Variants in MINDY3 observed in about 807,000 individuals in gnomAD.
MINDY3 encodes ubiquitin carboxyl-terminal hydrolase MINDY-3.
Under a neutral mutation model 69.2 loss-of-function variants are expected in MINDY3, and 38 were observed. The ratio of observed to expected loss-of-function variants is 0.55; its 90% CI spans 0.42 to 0.72. The LOEUF (loss-of-function observed/expected upper bound fraction) is 0.72, where lower values mean the gene tolerates loss of function less well. Ranked by LOEUF, MINDY3 falls within the 30% of genes least tolerant of loss-of-function variation. The pLI, the probability that MINDY3 is intolerant of heterozygous loss-of-function variation, is 0.00. For synonymous variants in MINDY3, 192 were observed against 180.1 expected (o/e 1.07, Z -0.53); for missense variants, 522 against 519.0 (o/e 1.01, Z -0.06).
chr10:15,814,066 C>T (rs1022141159), intron 10 of MINDY3, among the ~76,000 whole-genome samples: 3 of 151,546 alleles, frequency 2.0e-5, no homozygotes, highest in African/African-American at 7.3e-5. Context: ...AAGGAATGGC[C>T]GAATAATGAT....
chr10:15,808,031 G>A (rs1588556851), intron 10 of MINDY3, among the ~76,000 whole-genome samples: 1 of 152,178 alleles, frequency 6.6e-6, no homozygotes, highest in Non-Finnish European at 1.5e-5. Flanking sequence ...ATTGTGCTAA[G>A]CAGGTAGGAA....
chr10:15,834,475 T>G, intron 7 of MINDY3, 68 bp downstream of exon 7: 5 of 1,108,082 alleles, frequency 4.5e-6, no homozygotes, highest in Non-Finnish European at 6.8e-6. Context: ...CTCAGTCATG[T>G]TTTATCTGAA....
intron 8 of MINDY3, among the ~76,000 whole-genome samples, chr10:15,822,900 T>C (rs1369260767): frequency 1.3e-5 from 2 of 152,180 alleles, no homozygotes; most frequent in Non-Finnish European, 1.5e-5. Context: ...AATATAATAA[T>C]ATATTTGGGT....
rs185779128 is a variant in MINDY3 at position 15,782,276 on chromosome 10, C to T, written c.1117-50G>A. 2.3e-3 allele frequency: 2,880 copies of T among 1,246,068 alleles called. 7 individuals are homozygous for T. The highest frequency in any genetic ancestry group is 2.7e-3 in the Non-Finnish European group (2,339 of 878,276). The allele number at this position is 1,246,068 out of a possible 1,614,324, so 77.2% of individuals were successfully genotyped here. On this transcript the variant is annotated intron_variant, in intron 13 of 14. Coordinates refer to ENST00000277632, the MANE Select transcript of MINDY3 (RefSeq NM_024948.4). ...CACTTTAAATTATATTTATATCAGG[C>T]AATTTCTAATCAACTGAAAGTAAAA... is the stretch of plus-strand genomic sequence containing the variant.
At chr10:15,806,661 G>C (rs1441858154) in intron 10 of MINDY3, among the ~76,000 whole-genome samples, 1 of 152,084 alleles carries the variant, frequency 6.6e-6, no homozygotes, top group African/African-American at 2.4e-5. Flanking sequence ...CATATAGTAA[G>C]GACAATTTGT....
chr10:15,789,152 A>G (rs1487380901), intron 12 of MINDY3, 95 bp downstream of exon 12: 2 of 801,164 alleles, frequency 2.5e-6, no homozygotes, highest in East Asian at 5.2e-5. Flanking sequence ...ATATATGCAG[A>G]TATAGATTTT....
intron 2 of MINDY3, among the ~76,000 whole-genome samples, chr10:15,844,514 TAATC>T (rs1687162194): frequency 6.6e-6 from 1 of 152,218 alleles, no homozygotes; most frequent in African/African-American, 2.4e-5. Context: ...GCATAATTCT[TAATC>T]ACTACTTGTC....
intron 2 of MINDY3, among the ~76,000 whole-genome samples, chr10:15,845,655 T>C (rs1432919657): frequency 2.6e-5 from 4 of 151,306 alleles, no homozygotes; most frequent in Admixed American, 2.6e-4. Flanking sequence ...TGCACTACCA[T>C]GTCCAGCTAA....
chr10:15,836,523 A>C (rs1052977510), intron 6 of MINDY3, among the ~76,000 whole-genome samples: 1 of 151,972 alleles, frequency 6.6e-6, no homozygotes, highest in South Asian at 2.1e-4. Flanking sequence ...CAAATAAAAG[A>C]AGTTTGATTT....
chr10:15,843,986 T>G (rs1040857445), intron 2 of MINDY3, among the ~76,000 whole-genome samples: 1 of 152,146 alleles, frequency 6.6e-6, no homozygotes, highest in African/African-American at 2.4e-5. Flanking sequence ...AAAAAACAGG[T>G]TACAATGACG....
chr10:15,836,104 T>C (rs1362861861), intron 6 of MINDY3, among the ~76,000 whole-genome samples: 4 of 152,104 alleles, frequency 2.6e-5, no homozygotes, highest in East Asian at 3.9e-4. Flanking sequence ...TTCTTACATA[T>C]GTGCCCAGTC....
In MINDY3 at chr10:15,848,406, G is replaced by A. The variant is rs183135059; in HGVS notation, c.95-463C>T. 6.0e-4 allele frequency among the ~76,000 whole-genome samples: 91 copies of A among 152,092 alleles called. 1 individual carries two copies. The East Asian group carries it at 0.015, about 25-fold the overall frequency. ...TCCCAGCACTTTGGGAGGCAGAGGCGGGCGGATCACGAGGTCAGGAGATCG... is the reference window on the plus strand; with the variant it reads ...TCCCAGCACTTTGGGAGGCAGAGGCAGGCGGATCACGAGGTCAGGAGATCG... On this transcript the variant is annotated intron_variant, in intron 1 of 14. Transcript: ENST00000277632.
rs1342729001 is a variant in MINDY3, at chr10:15,789,233, C to T, written c.1028+14G>A. On this transcript the variant is annotated intron_variant, in intron 12 of 14. Transcript: ENST00000277632. ...TTTTTGAGTTGGCTAAATAACACTTCCTATTTAGCTTACTATTCAGGATCT... is the reference window on the plus strand; with the variant it reads ...TTTTTGAGTTGGCTAAATAACACTTTCTATTTAGCTTACTATTCAGGATCT... The T allele has an allele frequency of 6.3e-6, 10 of 1,588,606 alleles. No individual in the cohort carries two copies. Among genetic ancestry groups the T allele is most frequent in the Non-Finnish European group, 2.6e-6 (3 of 1,158,540 alleles).
chr10:15,853,222 A>G (rs1053961952), intron 1 of MINDY3, among the ~76,000 whole-genome samples: 1 of 151,384 alleles, frequency 6.6e-6, no homozygotes, highest in Non-Finnish European at 1.5e-5. Flanking sequence ...TATATGGAAA[A>G]GAGGAAGTTT....
chr10:15,859,642 T>C (rs781476636), intron 1 of MINDY3, among the ~76,000 whole-genome samples: 1 of 152,082 alleles, frequency 6.6e-6, no homozygotes, highest in Non-Finnish European at 1.5e-5. Context: ...ATAAACCATA[T>C]AAAAAACGGG....
chr10:15,828,115 C>T (rs1840211552), intron 8 of MINDY3, among the ~76,000 whole-genome samples: 1 of 152,166 alleles, frequency 6.6e-6, no homozygotes, highest in African/African-American at 2.4e-5. Context: ...CTAAAATATA[C>T]ATCTCATAAA....
At chr10:15,802,810 T>TA (rs571339721) in intron 10 of MINDY3, among the ~76,000 whole-genome samples, 161 of 142,248 alleles carry the variant, frequency 1.1e-3, no homozygotes, top group Middle Eastern at 7.4e-3. Context: ...TCTTGAACAA[T>TA]AAAAAAAAAA....
chr10:15,841,447 T>C lies in MINDY3; in HGVS notation c.388A>G (p.Ser130Gly), dbSNP rs148667857. 3 of 1,610,406 alleles carry C rather than the reference T, an allele frequency of 1.9e-6. No individual in the cohort carries two copies. The highest frequency in any genetic ancestry group is 1.1e-5 in the South Asian group (1 of 90,538). ...ASISGSPAESSCQVEHSSALA... is the reference protein window; with the variant it reads ...ASISGSPAESGCQVEHSSALA... ...TTACAAGAATGTTCCACTTGGCAAC[T>C]AGACTCTGCAGGACTCCCAGAAATA... is the stretch of plus-strand genomic sequence containing the variant. Residue 130 changes from serine to glycine, a missense_variant, in exon 4 of 15, where the codon AGT becomes GGT. Coordinates refer to ENST00000277632, the MANE Select transcript of MINDY3 (RefSeq NM_024948.4).
At chr10:15,825,476 C>G (rs1197717937) in intron 8 of MINDY3, among the ~76,000 whole-genome samples, 1 of 152,152 alleles carries the variant, frequency 6.6e-6, no homozygotes, top group East Asian at 1.9e-4. Context: ...TCCCAAACTG[C>G]TGAGATTAAA....
Sources: allele counts gnomAD v4.1 joint callset (sites outside exome capture counted in the v4.1 genomes callset), GRCh38; gene constraint gnomAD v4.1.1; transcripts MANE v1.5; gene names NCBI Gene and HGNC (gene_info 2026-07-23, HGNC 2026-07-21).